RERE: variants seen among roughly 807,000 people sequenced by gnomAD.
RERE encodes arginine-glutamic acid dipeptide repeats protein.
RERE carries 40 observed loss-of-function variants against 146.1 expected under a neutral mutation model. The ratio of observed to expected loss-of-function variants is 0.27; its 90% CI spans 0.21 to 0.36. The LOEUF is 0.36. RERE is among the 10% of genes least tolerant of loss of function. The pLI is 1.00. For missense variants in RERE, 1,933 were observed against 2,138.7 expected (o/e 0.90, Z 1.90); for synonymous variants, 1,003 against 866.0 (o/e 1.16, Z -2.78).
At chr1:8,355,984 C>T (rs1199121284) in intron 21 of RERE, 116 bp downstream of exon 21, 15 of 1,170,584 alleles carry the variant, frequency 1.3e-5, no homozygotes, top group South Asian at 5.9e-5. Context: ...GCAGGGGGAG[C>T]GAACCCACCT....
In RERE at chr1:8,359,909, T is replaced by C. The variant is rs1401837195; in HGVS notation, c.3473A>G (p.Lys1158Arg). 6 of 1,613,246 alleles carry C rather than the reference T, an allele frequency of 3.7e-6. No individual in the cohort carries two copies. In the African/African-American group the frequency reaches 4.0e-5, roughly 11 times the overall value. ...GGCCTCCTCCCTCTTCTTGGCCAGC[T>C]TGGACCCGGCCAGAGGCATGAAGTA... The part of the protein sequence containing the change: ...DLYFMPLAGS[K>R]LAKKREEAIE... Residue 1158 changes from lysine to arginine, a missense_variant, in exon 19 of 23, where the codon AAG (lysine) becomes AGG (arginine). Around this residue, in one of 11 missense-constraint regions of RERE, gnomAD observed 1,255 missense variants for 1,153.8 expected, o/e 1.09. Transcript: ENST00000400908.
intron 1 of RERE, among the ~76,000 whole-genome samples, chr1:8,784,135 G>A (rs546231287): frequency 1.3e-5 from 2 of 152,104 alleles, no homozygotes; most frequent in African/African-American, 4.8e-5. Flanking sequence ...CTCCCACCAC[G>A]CTGTCTTCCT....
At chr1:8,507,034 C>T (rs1438657876) in intron 8 of RERE, among the ~76,000 whole-genome samples, 1 of 152,168 alleles carries the variant, frequency 6.6e-6, no homozygotes, top group Non-Finnish European at 1.5e-5. Context: ...CCAGTCCTGC[C>T]TGACCAGGAT....
In RERE at chr1:8,366,923, A is replaced by C. The variant is rs1462435984; in HGVS notation, c.1285-949T>G. 6.4e-4 allele frequency among the ~76,000 whole-genome samples: 96 copies of C among 149,562 alleles called. 1 individual carries two copies. Among genetic ancestry groups the C allele is most frequent in the African/African-American group, 1.6e-3 (62 of 39,948 alleles). ...AGAACTGAAAAAAAAAAACAAAAAA[A>C]AAAAACAAAAAAAAAAAACCCAAAA... is the stretch of plus-strand genomic sequence containing the variant. On this transcript the variant is annotated intron_variant, in intron 12 of 22. Transcript: ENST00000400908.
chr1:8,403,373 T>A (rs950364278), intron 12 of RERE, among the ~76,000 whole-genome samples: 1 of 152,104 alleles, frequency 6.6e-6, no homozygotes, highest in Non-Finnish European at 1.5e-5. Flanking sequence ...TTGTTTCTAA[T>A]ACTGTTTACT....
chr1:8,547,756 T>G (rs142746484), intron 6 of RERE, among the ~76,000 whole-genome samples: 270 of 152,308 alleles, frequency 1.8e-3, no homozygotes, highest in African/African-American at 6.2e-3. Context: ...TTCATACTTA[T>G]CAGAAGGAAC....
intron 11 of RERE, among the ~76,000 whole-genome samples, chr1:8,464,274 G>A (rs573539934): frequency 1.3e-5 from 2 of 152,158 alleles, no homozygotes; most frequent in Admixed American, 6.5e-5. Flanking sequence ...TCTCAGCTCC[G>A]CCTAGCTTTT....
intron 1 of RERE, among the ~76,000 whole-genome samples, chr1:8,777,357 C>T (rs1641083366): frequency 6.6e-6 from 1 of 151,892 alleles, no homozygotes; most frequent in Non-Finnish European, 1.5e-5. Flanking sequence ...ATGGAGGTGA[C>T]TGTGAAGGGA....
In RERE at chr1:8,541,102, T is replaced by C. The variant is rs185848355; in HGVS notation, c.830+112A>G. The C allele has an allele frequency of 1.8e-3, 859 of 487,388 alleles. 1 individual carries two copies. The highest frequency in any genetic ancestry group is 0.015 in the African/African-American group (760 of 51,028). 30.2% of individuals were successfully genotyped at this position (487,388 alleles called of 1,614,324 possible). On this transcript the variant is annotated intron_variant, in intron 7 of 22. Coordinates refer to ENST00000400908, the MANE Select transcript of RERE (RefSeq NM_001042681.2). ...ACTCTGGAGTCATTTTTTTTAAGTA[T>C]GTTACTAGTGTATGTCCAGAAGCAT...
chr1:8,435,435 T>G (rs145097694), intron 11 of RERE, among the ~76,000 whole-genome samples: 1 of 152,238 alleles, frequency 6.6e-6, no homozygotes, highest in African/African-American at 2.4e-5. Flanking sequence ...TGACCTCTCA[T>G]CACCTGTTCT....
In RERE at chr1:8,691,295, G is replaced by GT. The variant is rs200430449; in HGVS notation, c.-144-34855dup. On this transcript the variant is annotated intron_variant, in intron 1 of 22. Transcript: ENST00000400908. ...ACAAACCACATGCTCAGAAGGTCTG[G>GT]TTTTTTTTGGTACTAAGAGCTAAGA... is the stretch of plus-strand genomic sequence containing the variant. Among the ~76,000 whole-genome samples, 837 of 151,986 alleles carry GT rather than the reference G, an allele frequency of 5.5e-3. 9 individuals are homozygous for GT. Among genetic ancestry groups the GT allele is most frequent in the African/African-American group, 0.018 (764 of 41,480 alleles).
chr1:8,812,764 A>G (rs1641837645), intron 1 of RERE, among the ~76,000 whole-genome samples: 1 of 152,182 alleles, frequency 6.6e-6, no homozygotes, highest in Non-Finnish European at 1.5e-5. Flanking sequence ...AGTACATCTT[A>G]TATTACTTGG....
intron 1 of RERE, among the ~76,000 whole-genome samples, chr1:8,766,546 CAAAAAAAAA>C (rs60530407): frequency 1.5e-4 from 10 of 66,022 alleles, no homozygotes; most frequent in Admixed American, 6.2e-4. Flanking sequence ...GACTCCATTG[CAAAAAAAAA>C]AAAAAAAAGA....
chr1:8,751,868 A>T (rs2124517743), intron 1 of RERE, among the ~76,000 whole-genome samples: 1 of 152,034 alleles, frequency 6.6e-6, no homozygotes, highest in East Asian at 1.9e-4. Context: ...ATGGAAAAAG[A>T]CTTGATTCTA....
chr1:8,431,350 C>T (rs1022404828), intron 11 of RERE, among the ~76,000 whole-genome samples: 2 of 152,154 alleles, frequency 1.3e-5, no homozygotes, highest in African/African-American at 2.4e-5. Flanking sequence ...ATCTGGGTTG[C>T]GTGCTTCTTT....
At chr1:8,410,496 A>C (rs1643583713) in intron 12 of RERE, among the ~76,000 whole-genome samples, 1 of 152,202 alleles carries the variant, frequency 6.6e-6, no homozygotes, top group South Asian at 2.1e-4. Flanking sequence ...GAAGTGATAC[A>C]GATTTCAGCT....
chr1:8,360,643 G>A lies in RERE; in HGVS notation c.2864C>T (p.Ser955Leu). 1 of 1,523,212 alleles carries A rather than the reference G, an allele frequency of 6.6e-7. No homozygotes were observed. Among genetic ancestry groups the A allele is most frequent in the Non-Finnish European group, 8.8e-7 (1 of 1,137,618 alleles). 94.4% of individuals were successfully genotyped at this position (1,523,212 alleles called of 1,614,324 possible). The change falls in exon 18 of 23, where the codon TCA (serine) becomes TTA (leucine). Residue 955 changes from serine to leucine, a missense_variant. This residue lies in a region of RERE where 1,255 missense variants were observed against 1,153.8 expected (regional missense o/e 1.09). Coordinates refer to ENST00000400908, the MANE Select transcript of RERE (RefSeq NM_001042681.2). ...HKHPPHLSGP[S>L]PFSMNANLPP... ...CAGGTTGGCATTCATGGAGAAGGGT[G>A]AGGGCCCCGAGAGGTGGGGAGGGTG...
Position 8,360,149 on chromosome 1 carries a change from C to T in RERE, c.3358G>A (p.Val1120Met), listed in dbSNP as rs767251697. The T allele has an allele frequency of 1.3e-6, 2 of 1,595,780 alleles. No individual in the cohort carries two copies. Among genetic ancestry groups the T allele is most frequent in the Non-Finnish European group, 1.7e-6 (2 of 1,171,070 alleles). The stretch of plus-strand genomic sequence containing the variant: ...CTGGCGTGACTGGGGGTGTCCACCA[C>T]AGTGGGCTCCGGGGACGGGCTCCTT... ...PPRSPSPEPT[V>M]VDTPSHASQS... The change falls in exon 18 of 23, where the codon GTG (valine) becomes ATG (methionine). Residue 1120 changes from valine (V) to methionine (M), a missense_variant. Transcript: ENST00000400908.
At chr1:8,737,266 T>C (rs751180446) in intron 1 of RERE, among the ~76,000 whole-genome samples, 1 of 152,210 alleles carries the variant, frequency 6.6e-6, no homozygotes, top group Non-Finnish European at 1.5e-5. Flanking sequence ...TAGAAAAGAC[T>C]AGAAACTAAT....
Sources: allele counts gnomAD v4.1 joint callset (sites outside exome capture counted in the v4.1 genomes callset), GRCh38; gene constraint gnomAD v4.1.1; regional missense constraint gnomAD v4.1.1; transcripts MANE v1.5; gene names NCBI Gene and HGNC (gene_info 2026-07-23, HGNC 2026-07-21).